Variants in LYN observed in about 807,000 individuals in gnomAD.
The protein encoded by LYN is tyrosine-protein kinase Lyn.
In LYN, 12 loss-of-function variants were observed where a neutral mutation model predicts 65.0. That is an observed-to-expected ratio of 0.18 (90% CI 0.12 to 0.30). The LOEUF (loss-of-function observed/expected upper bound fraction) is 0.30, where lower values mean the gene tolerates loss of function less well. Among genes scored for constraint, LYN ranks in the 10% least tolerant of loss-of-function variants. The probability of loss-of-function intolerance (pLI) is 1.00; values close to 1 mark genes in which losing one functional copy is unlikely to be tolerated. For synonymous variants in LYN, 222 were observed against 221.2 expected (o/e 1.00, Z -0.03); for missense variants, 380 against 623.2 (o/e 0.61, Z 4.16).
intron 1 of LYN, among the ~76,000 whole-genome samples, chr8:55,922,087 G>A (rs1380434854): frequency 1.3e-5 from 2 of 152,082 alleles, no homozygotes; most frequent in Non-Finnish European, 2.9e-5. Flanking sequence ...GGAGATCACA[G>A]TTTCATTTTT....
chr8:55,881,249 A>G (rs1456563025), intron 1 of LYN, among the ~76,000 whole-genome samples: 1 of 152,234 alleles, frequency 6.6e-6, no homozygotes, highest in Non-Finnish European at 1.5e-5. Flanking sequence ...AGATTTAGCC[A>G]TCTGACCTTA....
At chr8:55,976,893 A>C (rs1408559466) in intron 10 of LYN, among the ~76,000 whole-genome samples, 1 of 152,158 alleles carries the variant, frequency 6.6e-6, no homozygotes, top group Non-Finnish European at 1.5e-5. Flanking sequence ...CATGGACATT[A>C]AGGAAACTAG....
In LYN at chr8:56,011,838, C is replaced by G. The variant is rs1332489636; in HGVS notation, c.*1728C>G. 1 of 183,152 alleles carries G rather than the reference C, an allele frequency of 5.5e-6. No individual in the cohort carries two copies. The highest frequency in any genetic ancestry group is 6.3e-5 in the Admixed American group (1 of 16,000). The allele number at this position is 183,152 out of a possible 1,614,324, so 11.3% of individuals were successfully genotyped here. ...TGTCTGCACAGCTGGTCCCTTGATT[C>G]AGTGGTAAGGTTTTTGTGTACACCC... On this transcript the variant is annotated 3_prime_UTR_variant, in exon 13 of 13. Coordinates refer to ENST00000519728, the MANE Select transcript of LYN (RefSeq NM_002350.4).
At position 55,946,507 on chromosome 8, in the gene LYN, G is replaced by A. The variant is rs2130484088; in HGVS notation, c.178+14G>A. Reference sequence around the variant, plus strand: ...TTCAAACTAAAGGTATGTTTTCATAGCAACATAGTTAAAATTTTTTTTCTT... The same window carrying A: ...TTCAAACTAAAGGTATGTTTTCATAACAACATAGTTAAAATTTTTTTTCTT... On this transcript the variant is annotated intron_variant, in intron 3 of 12. Coordinates refer to ENST00000519728, the MANE Select transcript of LYN (RefSeq NM_002350.4). 2 of 1,575,584 alleles carry A rather than the reference G, an allele frequency of 1.3e-6. No individual in the cohort carries two copies. Among genetic ancestry groups the A allele is most frequent in the Non-Finnish European group, 1.7e-6 (2 of 1,152,632 alleles).
chr8:55,886,605 C>T (rs1804804388), intron 1 of LYN, among the ~76,000 whole-genome samples: 1 of 152,210 alleles, frequency 6.6e-6, no homozygotes, highest in Non-Finnish European at 1.5e-5. Flanking sequence ...TGCTCAAATA[C>T]ACATATCTGT....
intron 12 of LYN, among the ~76,000 whole-genome samples, chr8:56,009,335 C>T (rs1808754113): frequency 6.6e-6 from 1 of 152,152 alleles, no homozygotes; most frequent in Non-Finnish European, 1.5e-5. Context: ...TGTCTTGATC[C>T]CCTCCATGCT....
At chr8:55,982,939 G>A (rs539799812) in intron 10 of LYN, among the ~76,000 whole-genome samples, 155 of 151,810 alleles carry the variant, frequency 1.0e-3, no homozygotes, top group Non-Finnish European at 1.9e-3. Flanking sequence ...TGTCCCTACC[G>A]CCCCTCCGCT....
At position 55,888,721 on chromosome 8, in the gene LYN, C is replaced by T. The variant is rs532417671; in HGVS notation, c.-6+8618C>T. On this transcript the variant is annotated intron_variant, in intron 1 of 12. Coordinates refer to ENST00000519728, the MANE Select transcript of LYN (RefSeq NM_002350.4). ...GGAGAGTGACAGATACAGTAATGGG[C>T]ACAATCCTTGGTTTTTTGTTTTGTT... 2.0e-5 allele frequency among the ~76,000 whole-genome samples: 3 copies of T among 152,226 alleles called. No homozygotes were observed. The South Asian group carries it at 6.2e-4, about 32-fold the overall frequency.
intron 1 of LYN, among the ~76,000 whole-genome samples, chr8:55,908,310 T>A (rs1245451547): frequency 6.6e-6 from 1 of 151,884 alleles, no homozygotes; most frequent in Non-Finnish European, 1.5e-5. Context: ...AGTGGTGCAA[T>A]CTCGACTCAC....
chr8:56,001,012 G>A (rs906208081), intron 12 of LYN, among the ~76,000 whole-genome samples: 7 of 152,022 alleles, frequency 4.6e-5, no homozygotes, highest in Non-Finnish European at 1.0e-4. Flanking sequence ...AGAGTAGTGT[G>A]GAGCCTGCGT....
Position 55,934,175 on chromosome 8 carries a change from G to A in LYN, c.-5-7680G>A, listed in dbSNP as rs957152763. 1.7e-4 allele frequency among the ~76,000 whole-genome samples: 26 copies of A among 152,256 alleles called. No homozygotes were observed. In the East Asian group the frequency reaches 4.6e-3, roughly 27 times the overall value. ...CAGGAGGCAGAGGTTGCAGTGAGCC[G>A]AGATTGTGCCATTGCACTCCAGCCT... On this transcript the variant is annotated intron_variant, in intron 1 of 12. Transcript: ENST00000519728.
chr8:55,988,384 G>C (rs1201691508), intron 10 of LYN, among the ~76,000 whole-genome samples: 1 of 151,324 alleles, frequency 6.6e-6, no homozygotes, highest in Non-Finnish European at 1.5e-5. Context: ...GTCAGTTTGG[G>C]ATTGACTCCA....
chr8:55,952,442 C>A (rs1806978580), intron 7 of LYN, among the ~76,000 whole-genome samples: 1 of 152,092 alleles, frequency 6.6e-6, no homozygotes, highest in South Asian at 2.1e-4. Flanking sequence ...TGCCTGTAGT[C>A]CCAGCTACTC....
rs555791303 is a variant in LYN, at chr8:55,996,205, A to G, written c.1051-2141A>G. On this transcript the variant is annotated intron_variant, in intron 10 of 12. Transcript: ENST00000519728. Reference sequence around the variant, plus strand: ...GCAGCTGCAGATGGTTTTTGTACACATTGACCATCTAGGGTGAGTAAAGGG... The same window carrying G: ...GCAGCTGCAGATGGTTTTTGTACACGTTGACCATCTAGGGTGAGTAAAGGG... 4.6e-5 allele frequency among the ~76,000 whole-genome samples: 7 copies of G among 152,336 alleles called. No homozygotes were observed. The East Asian group carries it at 1.3e-3, about 29-fold the overall frequency.
chr8:55,973,183 C>T (rs1807658688), intron 10 of LYN, among the ~76,000 whole-genome samples: 2 of 152,214 alleles, frequency 1.3e-5, no homozygotes, highest in Admixed American at 1.3e-4. Context: ...TCCGCATTCC[C>T]CTGTCACCCA....
Position 55,966,744 on chromosome 8 carries a change from G to A in LYN, c.820G>A (p.Val274Met). The change falls in exon 9 of 13, where the codon GTG (valine) becomes ATG (methionine). Residue 274 changes from valine to methionine, a missense_variant. Coordinates refer to ENST00000519728, the MANE Select transcript of LYN (RefSeq NM_002350.4). The stretch of plus-strand genomic sequence containing the variant: ...CTATAACAACAGTACCAAGGTGGCT[G>A]TGAAAACCCTGAAGCCAGGAACTAT... ...GYYNNSTKVA[V>M]KTLKPGTMSV... 1 of 1,613,976 alleles carries A rather than the reference G, an allele frequency of 6.2e-7. No homozygotes were observed. Among genetic ancestry groups the A allele is most frequent in the Non-Finnish European group, 8.5e-7 (1 of 1,179,926 alleles).
intron 1 of LYN, among the ~76,000 whole-genome samples, chr8:55,908,757 C>T (rs1487431130): frequency 6.6e-6 from 1 of 151,694 alleles, no homozygotes; most frequent in Non-Finnish European, 1.5e-5. Flanking sequence ...CTCTTACCCT[C>T]CAAAGTCTCC....
chr8:55,966,424 A>G (rs112948393), intron 8 of LYN, among the ~76,000 whole-genome samples: 1 of 151,674 alleles, frequency 6.6e-6, no homozygotes, highest in East Asian at 1.9e-4. Context: ...CTGGAATGCA[A>G]TGGTGCGATC....
intron 12 of LYN, 69 bp from the exon 13 acceptor site, chr8:56,009,839 A>G (rs1808764204): frequency 2.4e-6 from 3 of 1,251,860 alleles, no homozygotes; most frequent in Admixed American, 3.6e-5. Context: ...AGACCACTGC[A>G]GTGCTTGACC....
Sources: allele counts gnomAD v4.1 joint callset (sites outside exome capture counted in the v4.1 genomes callset), GRCh38; gene constraint gnomAD v4.1.1; transcripts MANE v1.5; gene names NCBI Gene and HGNC (gene_info 2026-07-23, HGNC 2026-07-21).